MAP2K6: variants seen among roughly 807,000 people sequenced by gnomAD.
The protein encoded by MAP2K6 is mitogen-activated protein kinase kinase 6.
A neutral mutation model predicts 53.7 loss-of-function variants in MAP2K6; 16 were observed. That is an observed-to-expected ratio of 0.30 (90% CI 0.20 to 0.45). MAP2K6 has a LOEUF of 0.45. Among genes scored for constraint, MAP2K6 ranks in the 20% least tolerant of loss-of-function variants. The pLI is 1.00. For synonymous variants in MAP2K6, 132 were observed against 143.1 expected (o/e 0.92, Z 0.55); for missense variants, 204 against 411.9 (o/e 0.50, Z 4.37).
intron 11 of MAP2K6, among the ~76,000 whole-genome samples, chr17:69,539,848 T>C (rs1453810303): frequency 2.0e-5 from 3 of 152,140 alleles, no homozygotes. Flanking sequence ...ATAAGCATGA[T>C]GGTAGAGTCC....
intron 2 of MAP2K6, among the ~76,000 whole-genome samples, chr17:69,507,644 G>A (rs1381053196): frequency 9.2e-5 from 14 of 152,174 alleles, no homozygotes; most frequent in Admixed American, 8.5e-4. Flanking sequence ...ATAATTGCAT[G>A]TATTGATAGT....
At chr17:69,451,788 C>T (rs1391301608) in intron 1 of MAP2K6, among the ~76,000 whole-genome samples, 3 of 152,150 alleles carry the variant, frequency 2.0e-5, no homozygotes, top group Non-Finnish European at 4.4e-5. Context: ...TGCAGAGGGG[C>T]ACATAACCAT....
intron 1 of MAP2K6, among the ~76,000 whole-genome samples, chr17:69,422,252 C>T (rs556840427): frequency 6.6e-6 from 1 of 151,616 alleles, no homozygotes; most frequent in African/African-American, 2.4e-5. Flanking sequence ...CTGCCTCAGC[C>T]TCCCGAGTAG....
At chr17:69,509,088 A>G (rs1909677056) in intron 2 of MAP2K6, among the ~76,000 whole-genome samples, 1 of 152,198 alleles carries the variant, frequency 6.6e-6, no homozygotes, top group Non-Finnish European at 1.5e-5. Flanking sequence ...TGACTATTCT[A>G]AAGGCCTTTC....
intron 11 of MAP2K6, among the ~76,000 whole-genome samples, chr17:69,538,056 G>A (rs966686744): frequency 6.6e-6 from 1 of 151,884 alleles, no homozygotes; most frequent in African/African-American, 2.4e-5. Flanking sequence ...ATTTTTTAGA[G>A]ATGGAGTCTC....
At chr17:69,521,391 TA>T (rs1910459239) in intron 7 of MAP2K6, 1 of 318,298 alleles carries the variant, frequency 3.1e-6, no homozygotes, top group Non-Finnish European at 5.7e-6. Flanking sequence ...GAGAATATGA[TA>T]AAAATTGATC....
intron 1 of MAP2K6, among the ~76,000 whole-genome samples, chr17:69,424,689 A>G (rs1272559095): frequency 6.6e-6 from 1 of 152,240 alleles, no homozygotes; most frequent in Non-Finnish European, 1.5e-5. Context: ...TGTATTCTGT[A>G]GGAATTTGGA....
chr17:69,442,590 A>G (rs181158215), intron 1 of MAP2K6, among the ~76,000 whole-genome samples: 2 of 152,224 alleles, frequency 1.3e-5, no homozygotes, highest in Non-Finnish European at 2.9e-5. Context: ...CATTCACAAT[A>G]TATATCACAC....
chr17:69,505,983 T>G, intron 2 of MAP2K6, 137 bp downstream of exon 2: 1 of 665,846 alleles, frequency 1.5e-6, no homozygotes, highest in Non-Finnish European at 2.6e-6. Flanking sequence ...CTCACTGTTC[T>G]GAGACCTGAA....
chr17:69,527,405 T>G lies in MAP2K6; in HGVS notation c.881+696T>G, dbSNP rs148113558. On this transcript the variant is annotated intron_variant, in intron 10 of 11. Coordinates refer to ENST00000590474, the MANE Select transcript of MAP2K6 (RefSeq NM_002758.4). ...ATCCAAAGGAAGTTGGGGTGGAAAGTGGGAGGGAGCCATACTCATGAGGTG... is the reference window on the plus strand; with the variant it reads ...ATCCAAAGGAAGTTGGGGTGGAAAGGGGGAGGGAGCCATACTCATGAGGTG... Among the ~76,000 whole-genome samples the G allele has an allele frequency of 3.0e-4, 46 of 152,130 alleles. No individual in the cohort carries two copies. In the East Asian group the frequency reaches 8.5e-3, roughly 28 times the overall value.
Position 69,435,750 on chromosome 17 carries a change from C to T in MAP2K6, c.16+20750C>T, listed in dbSNP as rs990461052. 7.9e-5 allele frequency among the ~76,000 whole-genome samples: 12 copies of T among 152,008 alleles called. No individual in the cohort carries two copies. The South Asian group carries it at 1.9e-3, about 24-fold the overall frequency. On this transcript the variant is annotated intron_variant, in intron 1 of 11. Transcript: ENST00000590474. Reference sequence around the variant, plus strand: ...GCAGTGGCGTGATCTCGGCTCACTGCAACCTCCACCAGGTTCAAGTGATTC... The same window carrying T: ...GCAGTGGCGTGATCTCGGCTCACTGTAACCTCCACCAGGTTCAAGTGATTC...
intron 10 of MAP2K6, among the ~76,000 whole-genome samples, chr17:69,529,956 C>G (rs965473181): frequency 6.6e-6 from 1 of 152,116 alleles, no homozygotes; most frequent in Non-Finnish European, 1.5e-5. Context: ...ATATCCCCTT[C>G]TCTCTCATTT....
rs190996423 is a variant in MAP2K6 at position 69,426,926 on chromosome 17, A to G, written c.16+11926A>G. Among the ~76,000 whole-genome samples the G allele has an allele frequency of 9.2e-5, 14 of 152,320 alleles. No individual in the cohort carries two copies. In the East Asian group the frequency reaches 2.7e-3, roughly 29 times the overall value. On this transcript the variant is annotated intron_variant, in intron 1 of 11. Coordinates refer to ENST00000590474, the MANE Select transcript of MAP2K6 (RefSeq NM_002758.4). Reference sequence around the variant, plus strand: ...TGTAGCTATTGCTTGTGATTGCAATAGGTGAATAAATGGAATATATCATAT... The same window carrying G: ...TGTAGCTATTGCTTGTGATTGCAATGGGTGAATAAATGGAATATATCATAT...
intron 1 of MAP2K6, among the ~76,000 whole-genome samples, chr17:69,449,561 A>ATTTCTTTCTTTC (rs1230834033): frequency 2.9e-5 from 3 of 102,068 alleles, no homozygotes; most frequent in African/African-American, 1.3e-4. Context: ...TTCTTTCTTT[A>ATTTCTTTCTTTC]TTTCTTTCTT....
intron 1 of MAP2K6, among the ~76,000 whole-genome samples, chr17:69,503,908 A>G (rs1252044413): frequency 6.6e-6 from 1 of 152,190 alleles, no homozygotes; most frequent in East Asian, 1.9e-4. Flanking sequence ...GTGATTCTAG[A>G]AGTTGCGTGA....
chr17:69,547,585 T>A lies in MAP2K6; in HGVS notation c.*5832T>A, dbSNP rs1416256574. 6.6e-6 allele frequency: 1 copy of A among 152,272 alleles called. No individual in the cohort carries two copies. Among genetic ancestry groups the A allele is most frequent in the Admixed American group, 6.5e-5 (1 of 15,288 alleles). 9.4% of individuals were successfully genotyped at this position (152,272 alleles called of 1,614,324 possible). A position where few individuals can be genotyped will look rare whatever the true frequency, so the allele number is the denominator to read the frequency against. ...CATTTTAGTGACTATTGAGCTCAGCTGCTGTTGAGGCAGATTAGGAAGATG... is the reference window on the plus strand; with the variant it reads ...CATTTTAGTGACTATTGAGCTCAGCAGCTGTTGAGGCAGATTAGGAAGATG... On this transcript the variant is annotated 3_prime_UTR_variant, in exon 12 of 12. Transcript: ENST00000590474.
chr17:69,422,871 GTTTT>G (rs1239376692), intron 1 of MAP2K6, among the ~76,000 whole-genome samples: 1 of 151,988 alleles, frequency 6.6e-6, no homozygotes. Context: ...TTCAGCTGTT[GTTTT>G]TGTTTGTTTG....
intron 1 of MAP2K6, among the ~76,000 whole-genome samples, chr17:69,455,239 G>T (rs1448657814): frequency 5.9e-5 from 9 of 152,064 alleles, no homozygotes; most frequent in Non-Finnish European, 1.2e-4. Flanking sequence ...CAACAAAAGT[G>T]GTTGCAACAA....
At chr17:69,457,372 G>C (rs1183702836) in intron 1 of MAP2K6, among the ~76,000 whole-genome samples, 1 of 152,160 alleles carries the variant, frequency 6.6e-6, no homozygotes, top group African/African-American at 2.4e-5. Flanking sequence ...TCAGTGTTTG[G>C]CCCACAGTTG....
Sources: allele counts gnomAD v4.1 joint callset (sites outside exome capture counted in the v4.1 genomes callset), GRCh38; gene constraint gnomAD v4.1.1; transcripts MANE v1.5; gene names NCBI Gene and HGNC (gene_info 2026-07-23, HGNC 2026-07-21).